ABLIM2: variants seen among roughly 807,000 people sequenced by gnomAD.
ABLIM2 encodes actin binding LIM protein family member 2.
In ABLIM2, 53 loss-of-function variants were observed where a neutral mutation model predicts 97.7. That is an observed-to-expected ratio of 0.54 (90% CI 0.44 to 0.68). ABLIM2 has a LOEUF of 0.68. Ranked by LOEUF, ABLIM2 falls within the 30% of genes least tolerant of loss-of-function variation. The probability of loss-of-function intolerance (pLI) is 0.00; values close to 1 mark genes in which losing one functional copy is unlikely to be tolerated. For missense variants in ABLIM2, 835 were observed against 867.2 expected (o/e 0.96, Z 0.47); for synonymous variants, 361 against 345.8 (o/e 1.04, Z -0.49).
intron 3 of ABLIM2, among the ~76,000 whole-genome samples, chr4:8,091,153 T>C (rs1577565331): frequency 6.7e-6 from 1 of 149,154 alleles, no homozygotes; most frequent in Admixed American, 6.9e-5. Flanking sequence ...GTCCATCTTT[T>C]CAGTTTTAGT....
Position 8,032,681 on chromosome 4 carries a change from C to T in ABLIM2, c.1048-2905G>A, listed in dbSNP as rs775187775. The T allele has an allele frequency of 6.2e-7, 1 of 1,612,524 alleles. No individual in the cohort carries two copies. Among genetic ancestry groups the T allele is most frequent in the Non-Finnish European group, 8.5e-7 (1 of 1,179,814 alleles). ...GCGTTGGCGAGAGCAACTGAGGGGA[C>T]TGTGGACACAACACACAAAGTGGCC... On this transcript the variant is annotated intron_variant, in intron 10 of 20. Transcript: ENST00000447017. The surrounding 1 kb of genome is among the most constrained non-coding windows in gnomAD (Gnocchi z 4.3).
Position 8,061,218 on chromosome 4 carries a change from A to AG in ABLIM2, c.676-165_676-164insC, listed in dbSNP as rs1179188656. On this transcript the variant is annotated intron_variant, in intron 6 of 20. Coordinates refer to ENST00000447017, the MANE Select transcript of ABLIM2 (RefSeq NM_001130083.2). This position sits in a 1 kb window ranked among gnomAD's most constrained non-coding sequence, Gnocchi z 4.5. ...CCCAAGACCCCTGAGCAGAGCCCAG[A>AG]CCCGGGGGTGCCCCCGGGCTGTCCA... Among the ~76,000 whole-genome samples, 1 of 69,808 alleles carries AG rather than the reference A, an allele frequency of 1.4e-5. No homozygotes were observed. The highest frequency in any genetic ancestry group is 2.5e-5 in the Non-Finnish European group (1 of 39,258). 45.8% of individuals were successfully genotyped at this position (69,808 alleles called of 152,430 possible).
rs1220921767 is a variant in ABLIM2 at position 8,069,784 on chromosome 4, G to C, written c.675+7844C>G. Among the ~76,000 whole-genome samples, 1 of 151,896 alleles carries C rather than the reference G, an allele frequency of 6.6e-6. No homozygotes were observed. Among genetic ancestry groups the C allele is most frequent in the African/African-American group, 2.4e-5 (1 of 41,350 alleles). ...CGGTGTGTCCATGCATGTTGTCTGT[G>C]TCTCTCCGTGTGCTTGTGTGTCTCT... On this transcript the variant is annotated intron_variant, in intron 6 of 20. Coordinates refer to ENST00000447017, the MANE Select transcript of ABLIM2 (RefSeq NM_001130083.2). The surrounding 1 kb of genome is among the most constrained non-coding windows in gnomAD (Gnocchi z 4.2).
chr4:8,079,230 C>A (rs895592597), intron 5 of ABLIM2, among the ~76,000 whole-genome samples: 1 of 152,232 alleles, frequency 6.6e-6, no homozygotes, highest in African/African-American at 2.4e-5. Context: ...CCTCAGGACT[C>A]CCGTAATAAC....
intron 1 of ABLIM2, among the ~76,000 whole-genome samples, chr4:8,118,593 C>A (rs1229366985): frequency 6.6e-6 from 1 of 152,190 alleles, no homozygotes; most frequent in East Asian, 1.9e-4. Flanking sequence ...TGGCTCCCCA[C>A]AGAACACAGC....
chr4:7,979,248 C>G (rs1442826921), intron 20 of ABLIM2, among the ~76,000 whole-genome samples: 1 of 152,266 alleles, frequency 6.6e-6, no homozygotes, highest in Non-Finnish European at 1.5e-5. Context: ...TCTGCGGTTC[C>G]TTTGCTAGCA....
At position 8,148,604 on chromosome 4, in the gene ABLIM2, C is replaced by T. The variant is rs933113400; in HGVS notation, c.10+10076G>A. ...AGGATTATAGGGTGAAAGCACATCGCGGTGCTGGGTCCACACTGGGGAAGC... is the reference window on the plus strand; with the variant it reads ...AGGATTATAGGGTGAAAGCACATCGTGGTGCTGGGTCCACACTGGGGAAGC... On this transcript the variant is annotated intron_variant, in intron 1 of 20. Transcript: ENST00000447017. The surrounding 1 kb of genome is among the most constrained non-coding windows in gnomAD (Gnocchi z 6.7). Among the ~76,000 whole-genome samples, 2 of 103,694 alleles carry T rather than the reference C, an allele frequency of 1.9e-5. No homozygotes were observed. The highest frequency in any genetic ancestry group is 4.7e-5 in the African/African-American group (1 of 21,342). The allele number at this position is 103,694 out of a possible 152,430, so 68.0% of individuals were successfully genotyped here.
In ABLIM2 at chr4:8,027,844, A is replaced by G. The variant is rs1253581992; in HGVS notation, c.1182T>C (p.Ser394=). The G allele has an allele frequency of 6.3e-7, 1 of 1,594,576 alleles. No individual in the cohort carries two copies. Among genetic ancestry groups the G allele is most frequent in the Non-Finnish European group, 8.5e-7 (1 of 1,171,396 alleles). Residue 394 remains serine, a synonymous_variant, in exon 12 of 21, where the codon AGT becomes AGC. Transcript: ENST00000447017. ...GGGAGAGGCAGCTACTGGTACCCACACTCACAGTACCAGCTACGGGGTAAC... is the reference window on the plus strand; with the variant it reads ...GGGAGAGGCAGCTACTGGTACCCACGCTCACAGTACCAGCTACGGGGTAAC... ...QHYSRPAGTV[S]VGTSSCLSLS...
chr4:8,017,002 T>A (rs1010029616), intron 14 of ABLIM2, among the ~76,000 whole-genome samples: 1 of 152,196 alleles, frequency 6.6e-6, no homozygotes, highest in African/African-American at 2.4e-5. Flanking sequence ...TGGAGATACT[T>A]CTCTCCGGTT....
At chr4:8,109,448 T>G in intron 1 of ABLIM2, among the ~76,000 whole-genome samples, 1 of 152,254 alleles carries the variant, frequency 6.6e-6, no homozygotes. Flanking sequence ...GAAGGTCTCC[T>G]CATCTCCCTG....
intron 1 of ABLIM2, among the ~76,000 whole-genome samples, chr4:8,158,271 A>G (rs1716052902): frequency 6.6e-6 from 1 of 152,162 alleles, no homozygotes; most frequent in Admixed American, 6.5e-5. Context: ...CCAGCTGCAA[A>G]GCCCCGCCTA....
At chr4:8,047,372 CCTCCTCCTCCTCCTCTTT>C (rs1560937218) in intron 8 of ABLIM2, among the ~76,000 whole-genome samples, 3 of 151,448 alleles carry the variant, frequency 2.0e-5, no homozygotes, top group African/African-American at 7.2e-5. Flanking sequence ...TCCTCCTCCT[CCTCCTCCTCCTCCTCTTT>C]CTCCTCCTCC....
chr4:8,088,184 A>C lies in ABLIM2; in HGVS notation c.439T>G (p.Ser147Ala). The C allele has an allele frequency of 6.5e-7, 1 of 1,545,306 alleles. No individual in the cohort carries two copies. The highest frequency in any genetic ancestry group is 1.8e-5 in the Admixed American group (1 of 56,902). The change falls in exon 4 of 21, where the codon TCC (serine) becomes GCC (alanine). Residue 147 changes from serine to alanine, a missense_variant. By Grantham distance (99) the Ser-to-Ala change is moderately conservative (BLOSUM62 1). Coordinates refer to ENST00000447017, the MANE Select transcript of ABLIM2 (RefSeq NM_001130083.2). The part of the protein sequence containing the change: ...PVSVGSSAHL[S>A]QGLRSCGGCG... ...GCCCACTTACTTCGGAGGCCCTGGG[A>C]CAGGTGCGCGCTGCTGCCCACCGAT...
chr4:8,024,507 C>T (rs1462100190), intron 12 of ABLIM2, among the ~76,000 whole-genome samples: 1 of 152,132 alleles, frequency 6.6e-6, no homozygotes, highest in Non-Finnish European at 1.5e-5. Flanking sequence ...GCCAGAGGAG[C>T]CCGGGGAGCA....
intron 20 of ABLIM2, among the ~76,000 whole-genome samples, chr4:7,974,007 C>G (rs1429056614): frequency 2.6e-5 from 4 of 152,252 alleles, no homozygotes; most frequent in Non-Finnish European, 4.4e-5. Flanking sequence ...AGAGTAAATA[C>G]TGAGGTTTCC....
At chr4:7,989,372 C>G (rs976834183) in intron 17 of ABLIM2, 1 of 983,262 alleles carries the variant, frequency 1.0e-6, no homozygotes, top group African/African-American at 1.7e-5. Flanking sequence ...AACCACTTTG[C>G]CTGGCCCCAT....
At position 8,054,134 on chromosome 4, in the gene ABLIM2, G is replaced by C; in HGVS notation, c.822+54C>G. ...GTCAGTGTCCTCTTAACTGTACAAA[G>C]ATGGTGCAGGAGCAGTGAAGGGTAC... On this transcript the variant is annotated intron_variant, in intron 8 of 20. Coordinates refer to ENST00000447017, the MANE Select transcript of ABLIM2 (RefSeq NM_001130083.2). This position sits in a 1 kb window ranked among gnomAD's most constrained non-coding sequence, Gnocchi z 4.9. The C allele has an allele frequency of 6.3e-7, 1 of 1,580,720 alleles. No homozygotes were observed. The highest frequency in any genetic ancestry group is 2.2e-5 in the East Asian group (1 of 44,710).
In ABLIM2 at chr4:8,155,585, G is replaced by A. The variant is rs1715043144; in HGVS notation, c.10+3095C>T. ...CCGCACCCCTGTTATGGACTGAATTGTCTAAATTCATATGCTGAAGTCCTA... is the reference window on the plus strand; with the variant it reads ...CCGCACCCCTGTTATGGACTGAATTATCTAAATTCATATGCTGAAGTCCTA... On this transcript the variant is annotated intron_variant, in intron 1 of 20. Transcript: ENST00000447017. The surrounding 1 kb of genome is among the most constrained non-coding windows in gnomAD (Gnocchi z 4.2). 1.3e-5 allele frequency among the ~76,000 whole-genome samples: 2 copies of A among 152,312 alleles called. No homozygotes were observed. Among genetic ancestry groups the A allele is most frequent in the African/African-American group, 4.8e-5 (2 of 41,574 alleles).
At chr4:7,989,446 T>C (rs1287679425) in intron 17 of ABLIM2, 1 of 985,318 alleles carries the variant, frequency 1.0e-6, no homozygotes, top group Non-Finnish European at 1.2e-6. Flanking sequence ...TCAAGGTGTC[T>C]GGCATTGCCA....
Sources: allele counts gnomAD v4.1 joint callset (sites outside exome capture counted in the v4.1 genomes callset), GRCh38; gene constraint gnomAD v4.1.1; non-coding constraint Gnocchi (gnomAD v3.1); transcripts MANE v1.5; gene names NCBI Gene and HGNC (gene_info 2026-07-23, HGNC 2026-07-21).